Variants in SPATA17 observed in about 807,000 individuals in gnomAD.
SPATA17 encodes the protein spermatogenesis associated 17, also known as spermatogenesis-associated protein 17.
A neutral mutation model predicts 62.2 loss-of-function variants in SPATA17; 53 were observed. The observed-to-expected ratio is 0.85, with a 90% CI of 0.68 to 1.07. The LOEUF (loss-of-function observed/expected upper bound fraction) is 1.07, where lower values mean the gene tolerates loss of function less well. Ranked by LOEUF, SPATA17 falls within the 50% of genes least tolerant of loss-of-function variation. The pLI is 0.00. For missense variants in SPATA17, 466 were observed against 425.5 expected (o/e 1.10, Z -0.84); for synonymous variants, 146 against 146.8 (o/e 0.99, Z 0.04).
chr1:217,786,774 C>A (rs1283703905), intron 8 of SPATA17, among the ~76,000 whole-genome samples: 1 of 139,734 alleles, frequency 7.2e-6, no homozygotes, highest in East Asian at 2.0e-4. Context: ...TCTTCTTCTT[C>A]TTCTTCTTCT....
intron 8 of SPATA17, among the ~76,000 whole-genome samples, chr1:217,787,484 TG>T (rs1208987350): frequency 9.8e-5 from 15 of 152,298 alleles, no homozygotes; most frequent in African/African-American, 3.4e-4. Flanking sequence ...TGTATGTCCC[TG>T]GTTCTCTCTT....
At chr1:217,679,467 T>G (rs1671025557) in intron 4 of SPATA17, among the ~76,000 whole-genome samples, 1 of 152,228 alleles carries the variant, frequency 6.6e-6, no homozygotes, top group South Asian at 2.1e-4. Flanking sequence ...TTCATTTCAC[T>G]GATGGCATCT....
intron 9 of SPATA17, among the ~76,000 whole-genome samples, chr1:217,831,916 T>C (rs1310493249): frequency 2.0e-5 from 3 of 152,198 alleles, no homozygotes; most frequent in Non-Finnish European, 4.4e-5. Flanking sequence ...TAGAAATTCA[T>C]ATGACTGAAT....
intron 8 of SPATA17, among the ~76,000 whole-genome samples, chr1:217,797,234 A>G (rs958207966): frequency 2.1e-5 from 3 of 141,980 alleles, no homozygotes; most frequent in African/African-American, 7.8e-5. Flanking sequence ...TAAATTTACT[A>G]TTTTCTTTCT....
At chr1:217,785,345 A>C (rs368913858) in intron 8 of SPATA17, among the ~76,000 whole-genome samples, 123 of 152,272 alleles carry the variant, frequency 8.1e-4, no homozygotes, top group Non-Finnish European at 1.5e-3. Flanking sequence ...ATTGACTCAC[A>C]GTTCCAAACG....
At chr1:217,801,474 C>T (rs1050475085) in intron 8 of SPATA17, among the ~76,000 whole-genome samples, 1 of 152,026 alleles carries the variant, frequency 6.6e-6, no homozygotes, top group Non-Finnish European at 1.5e-5. Context: ...ATATAAAATA[C>T]TTGAGACTCA....
rs1676069768 is a variant in SPATA17, at chr1:217,868,687, T to TAAA, written c.*1668_*1669insAAA. The TAAA allele has an allele frequency of 6.8e-6, 1 of 147,636 alleles. No homozygotes were observed. Among genetic ancestry groups the TAAA allele is most frequent in the South Asian group, 2.2e-4 (1 of 4,502 alleles). The allele number at this position is 147,636 out of a possible 1,614,324, so 9.1% of individuals were successfully genotyped here. A position where few individuals can be genotyped will look rare whatever the true frequency, so the allele number is the denominator to read the frequency against. On this transcript the variant is annotated 3_prime_UTR_variant, in exon 11 of 11. Transcript: ENST00000366933. ...ATGTTTTTTTTTTTTTTTTTTTTTTTTTTAATTTCTGAGACAGAGTCTCAT... is the reference window on the plus strand; with the variant it reads ...ATGTTTTTTTTTTTTTTTTTTTTTTTAAATTTAATTTCTGAGACAGAGTCTCAT...
chr1:217,803,148 G>A (rs1221426474), intron 9 of SPATA17, among the ~76,000 whole-genome samples: 8 of 152,052 alleles, frequency 5.3e-5, no homozygotes, highest in Non-Finnish European at 8.8e-5. Context: ...TCCTGACCTG[G>A]TGATCTGCCC....
Position 217,824,994 on chromosome 1 carries a change from T to C in SPATA17, c.1005+23144T>C, listed in dbSNP as rs571457826. Among the ~76,000 whole-genome samples, 161 of 150,932 alleles carry C rather than the reference T, an allele frequency of 1.1e-3. 1 individual carries two copies. The highest frequency in any genetic ancestry group is 7.7e-3 in the South Asian group (37 of 4,786). On this transcript the variant is annotated intron_variant, in intron 9 of 10. Transcript: ENST00000366933. ...CATATACATACAATTCAAATATAAA[T>C]ACATTTATATACATATGAATATTTG...
At chr1:217,799,813 G>T (rs1204571015) in intron 8 of SPATA17, among the ~76,000 whole-genome samples, 2 of 151,880 alleles carry the variant, frequency 1.3e-5, no homozygotes, top group Non-Finnish European at 2.9e-5. Context: ...GATCATCTGT[G>T]TGAAAATTTT....
intron 1 of SPATA17, among the ~76,000 whole-genome samples, chr1:217,646,265 T>C (rs1670179797): frequency 6.6e-6 from 1 of 152,154 alleles, no homozygotes; most frequent in Non-Finnish European, 1.5e-5. Flanking sequence ...TTTTGTGAGG[T>C]TTTTACTTAT....
intron 3 of SPATA17, among the ~76,000 whole-genome samples, chr1:217,654,025 C>G (rs575020221): frequency 1.3e-5 from 2 of 152,156 alleles, no homozygotes; most frequent in African/African-American, 4.8e-5. Context: ...CTATTGATGG[C>G]TTTTAAATAC....
chr1:217,762,186 T>C (rs1299707147), intron 6 of SPATA17, among the ~76,000 whole-genome samples: 1 of 152,150 alleles, frequency 6.6e-6, no homozygotes, highest in Non-Finnish European at 1.5e-5. Flanking sequence ...ACACTCTCCC[T>C]CAGTAACCCC....
chr1:217,724,990 T>C (rs1672229836), intron 5 of SPATA17, among the ~76,000 whole-genome samples: 1 of 152,302 alleles, frequency 6.6e-6, no homozygotes, highest in East Asian at 1.9e-4. Flanking sequence ...TTCAGTTCTT[T>C]ATATGGTTAT....
chr1:217,682,648 A>G (rs1475438931), intron 4 of SPATA17, among the ~76,000 whole-genome samples: 2 of 152,152 alleles, frequency 1.3e-5, no homozygotes, highest in Admixed American at 6.5e-5. Flanking sequence ...ACATCTGTAA[A>G]TGAGGTAATG....
intron 6 of SPATA17, among the ~76,000 whole-genome samples, chr1:217,747,530 A>G (rs1206797032): frequency 1.3e-5 from 2 of 152,182 alleles, no homozygotes; most frequent in Non-Finnish European, 2.9e-5. Context: ...AATATTGGTT[A>G]TTATATAGAA....
intron 1 of SPATA17, 76 bp downstream of exon 1, chr1:217,631,522 A>G (rs1669772966): frequency 2.7e-6 from 4 of 1,488,778 alleles, no homozygotes; most frequent in South Asian, 2.3e-5. Flanking sequence ...GGAGTTTCCA[A>G]TTAACGATTT....
intron 5 of SPATA17, among the ~76,000 whole-genome samples, chr1:217,719,217 C>G (rs1195110268): frequency 6.6e-6 from 1 of 152,190 alleles, no homozygotes; most frequent in Non-Finnish European, 1.5e-5. Context: ...TTTGTCTACC[C>G]AAGAAAACAC....
chr1:217,779,100 G>A (rs1391254764), intron 7 of SPATA17, among the ~76,000 whole-genome samples: 1 of 150,618 alleles, frequency 6.6e-6, no homozygotes, highest in Non-Finnish European at 1.5e-5. Flanking sequence ...TATATATATG[G>A]TATAAGTATA....
Sources: gnomAD v4.1 joint callset for allele counts (sites outside exome capture counted in the v4.1 genomes callset) on GRCh38, gnomAD v4.1.1 for gene constraint, MANE v1.5 for transcripts, NCBI Gene and HGNC (gene_info 2026-07-23, HGNC 2026-07-21) for gene names.